PKNOX2: variants seen among roughly 807,000 people sequenced by gnomAD.
PKNOX2 encodes the protein PBX/knotted 1 homeobox 2.
In PKNOX2, 14 loss-of-function variants were observed where a neutral mutation model predicts 53.1. The ratio of observed to expected loss-of-function variants is 0.26; its 90% CI spans 0.17 to 0.41. The LOEUF (loss-of-function observed/expected upper bound fraction) is 0.41. Ranked by LOEUF, PKNOX2 falls within the 10% of genes least tolerant of loss-of-function variation. The pLI is 1.00. For missense variants in PKNOX2, 496 were observed against 602.8 expected (o/e 0.82, Z 1.85); for synonymous variants, 257 against 242.8 (o/e 1.06, Z -0.54).
chr11:125,312,719 G>T (rs1948891973), intron 2 of PKNOX2, among the ~76,000 whole-genome samples: 1 of 152,154 alleles, frequency 6.6e-6, no homozygotes, highest in Non-Finnish European at 1.5e-5. Flanking sequence ...AGACGCACGT[G>T]CCCATAATGC....
At chr11:125,195,461 C>G (rs1372234214) in intron 1 of PKNOX2, among the ~76,000 whole-genome samples, 1 of 152,112 alleles carries the variant, frequency 6.6e-6, no homozygotes, top group Non-Finnish European at 1.5e-5. Flanking sequence ...AGACTTTCAG[C>G]AGTCGGCAGT....
At chr11:125,186,043 TTC>T (rs1327378072) in intron 1 of PKNOX2, among the ~76,000 whole-genome samples, 2 of 126,068 alleles carry the variant, frequency 1.6e-5, no homozygotes, top group East Asian at 5.0e-4. Context: ...ACATTTGTTA[TTC>T]TCTGTTTTTT....
chr11:125,280,564 A>G (rs1339726348), intron 2 of PKNOX2, among the ~76,000 whole-genome samples: 1 of 152,214 alleles, frequency 6.6e-6, no homozygotes, highest in Non-Finnish European at 1.5e-5. Context: ...GGTCTTCTCT[A>G]GCTTTTCCTG....
chr11:125,229,171 T>G (rs1366666158), intron 1 of PKNOX2, among the ~76,000 whole-genome samples: 6 of 152,094 alleles, frequency 3.9e-5, no homozygotes, highest in African/African-American at 1.4e-4. Flanking sequence ...GAGAACATAA[T>G]GCGACACCCC....
intron 1 of PKNOX2, among the ~76,000 whole-genome samples, 178 bp from the exon 2 acceptor site, chr11:125,234,867 G>A (rs1942532950): frequency 6.6e-6 from 1 of 151,268 alleles, no homozygotes; most frequent in African/African-American, 2.5e-5. Flanking sequence ...AACAATAATG[G>A]TTTTGCTAGG....
At chr11:125,324,216 C>A (rs77632093) in intron 2 of PKNOX2, among the ~76,000 whole-genome samples, 3,697 of 152,288 alleles carry the variant, frequency 0.024, 145 homozygotes, top group African/African-American at 0.084. Flanking sequence ...CCTTTCCCTT[C>A]ACCCCTTAAC....
At chr11:125,341,716 C>T (rs1950695927) in intron 3 of PKNOX2, among the ~76,000 whole-genome samples, 1 of 152,240 alleles carries the variant, frequency 6.6e-6, no homozygotes, top group Non-Finnish European at 1.5e-5. Flanking sequence ...AACGGCATGG[C>T]TGTGAAATAC....
intron 7 of PKNOX2, among the ~76,000 whole-genome samples, chr11:125,401,581 T>TGG (rs1954752120): frequency 2.6e-5 from 4 of 152,166 alleles, no homozygotes; most frequent in Non-Finnish European, 5.9e-5. Context: ...CACACGTCTC[T>TGG]TAAGCCTTCC....
At position 125,166,899 on chromosome 11, in the gene PKNOX2, G is replaced by A. The variant is rs1224055136; in HGVS notation, c.-201+2123G>A. On this transcript the variant is annotated intron_variant, in intron 1 of 12. Coordinates refer to ENST00000298282, the MANE Select transcript of PKNOX2 (RefSeq NM_001382323.2). The surrounding 1 kb of genome is among the most constrained non-coding windows in gnomAD (Gnocchi z 4.0). ...TGGCAGCCAAAAGCTTCGCATTTTA[G>A]GCAGTTTAGACGATCCTCCCCGCCC... Among the ~76,000 whole-genome samples the A allele has an allele frequency of 1.3e-5, 2 of 152,112 alleles. No individual in the cohort carries two copies. Among genetic ancestry groups the A allele is most frequent in the African/African-American group, 4.8e-5 (2 of 41,426 alleles).
chr11:125,398,021 C>G lies in PKNOX2; in HGVS notation c.547C>G (p.Pro183Ala), dbSNP rs999947084. ...DNLLRNDLGG[P>A]YSPNQPSINL... ...CCTGCTCAGGAATGATCTAGGGGGG[C>G]CCTACTCCCCCAACCAGCCCTCCAT... Residue 183 changes from proline (P) to alanine (A), a missense_variant, in exon 7 of 13, where the codon CCC becomes GCC. This residue lies in a region of PKNOX2 where 141 missense variants were observed against 143.9 expected (regional missense o/e 0.98). Coordinates refer to ENST00000298282, the MANE Select transcript of PKNOX2 (RefSeq NM_001382323.2). 1.9e-6 allele frequency: 3 copies of G among 1,613,354 alleles called. No individual in the cohort carries two copies. Among genetic ancestry groups the G allele is most frequent in the Non-Finnish European group, 2.5e-6 (3 of 1,179,642 alleles).
In PKNOX2 at chr11:125,309,130, C is replaced by CCTTTCTTT. The variant is rs143615043; in HGVS notation, c.-129-22667_-129-22660dup. On this transcript the variant is annotated intron_variant, in intron 2 of 12. Transcript: ENST00000298282. Reference sequence around the variant, plus strand: ...CAGCCTGAGATCACAATTACCTCTTCCTTTCTTTCTTTCTTTCTTTCTTTC... The same window carrying CCTTTCTTT: ...CAGCCTGAGATCACAATTACCTCTTCCTTTCTTTCTTTCTTTCTTTCTTTCTTTCTTTC... Among the ~76,000 whole-genome samples, 1,101 of 148,530 alleles carry CCTTTCTTT rather than the reference C, an allele frequency of 7.4e-3. 16 individuals carry two copies. Among genetic ancestry groups the CCTTTCTTT allele is most frequent in the African/African-American group, 0.021 (813 of 38,866 alleles).
chr11:125,287,381 C>A (rs1039873408), intron 2 of PKNOX2, among the ~76,000 whole-genome samples: 1 of 152,228 alleles, frequency 6.6e-6, no homozygotes, highest in Non-Finnish European at 1.5e-5. Flanking sequence ...GTCTGGGAAA[C>A]TCACAGCAAA....
intron 1 of PKNOX2, among the ~76,000 whole-genome samples, chr11:125,180,056 A>G (rs1956065600): frequency 1.3e-5 from 2 of 152,136 alleles, no homozygotes. Context: ...CCCCTGTTGT[A>G]ACTGAAACAG....
intron 1 of PKNOX2, among the ~76,000 whole-genome samples, chr11:125,201,754 C>A (rs770722553): frequency 1.3e-5 from 2 of 152,214 alleles, no homozygotes; most frequent in South Asian, 2.1e-4. Flanking sequence ...AATTCCTCAG[C>A]CTTACTTCCT....
chr11:125,185,955 G>A (rs900084143), intron 1 of PKNOX2, among the ~76,000 whole-genome samples: 1 of 152,012 alleles, frequency 6.6e-6, no homozygotes, highest in Non-Finnish European at 1.5e-5. Flanking sequence ...CCACCAAACT[G>A]TTTTCCACAA....
chr11:125,316,146 T>C (rs1266265694), intron 2 of PKNOX2, among the ~76,000 whole-genome samples: 1 of 152,156 alleles, frequency 6.6e-6, no homozygotes, highest in Non-Finnish European at 1.5e-5. Flanking sequence ...ATGGAGGGAA[T>C]GAGACCCACT....
At chr11:125,401,049 A>G (rs1954715534) in intron 7 of PKNOX2, among the ~76,000 whole-genome samples, 2 of 152,030 alleles carry the variant, frequency 1.3e-5, no homozygotes, top group Admixed American at 1.3e-4. Flanking sequence ...ATTTATTGAA[A>G]GAAATAATGG....
At chr11:125,279,328 C>T (rs1565486566) in intron 2 of PKNOX2, among the ~76,000 whole-genome samples, 1 of 152,236 alleles carries the variant, frequency 6.6e-6, no homozygotes, top group Non-Finnish European at 1.5e-5. Flanking sequence ...ATCTACCCTG[C>T]ACTCAGCCCT....
At chr11:125,199,569 T>C (rs12269989) in intron 1 of PKNOX2, among the ~76,000 whole-genome samples, 15,856 of 152,132 alleles carry the variant, frequency 0.1, 1,926 homozygotes, top group African/African-American at 0.28. Context: ...GTTGGCCAGG[T>C]GCTGTGGCTC....
Sources: allele counts gnomAD v4.1 joint callset (sites outside exome capture counted in the v4.1 genomes callset), GRCh38; gene constraint gnomAD v4.1.1; regional missense constraint gnomAD v4.1.1; non-coding constraint Gnocchi (gnomAD v3.1); transcripts MANE v1.5; gene names NCBI Gene and HGNC (gene_info 2026-07-23, HGNC 2026-07-21).